Variants in LMX1A observed in about 807,000 individuals in gnomAD.
The protein encoded by LMX1A is LIM homeobox transcription factor 1 alpha, also known as LIM homeobox transcription factor 1-alpha.
LMX1A carries 15 observed loss-of-function variants against 49.1 expected under a neutral mutation model. The observed-to-expected ratio is 0.31, with a 90% CI of 0.20 to 0.47. The LOEUF is 0.47. Among genes scored for constraint, LMX1A ranks in the 20% least tolerant of loss-of-function variants. LMX1A has a pLI of 1.00. For missense variants in LMX1A, 372 were observed against 475.8 expected (o/e 0.78, Z 2.03); for synonymous variants, 167 against 185.7 (o/e 0.90, Z 0.82).
At chr1:165,235,176 T>A (rs1040523228) in intron 4 of LMX1A, among the ~76,000 whole-genome samples, 4 of 152,272 alleles carry the variant, frequency 2.6e-5, no homozygotes, top group Admixed American at 1.3e-4. Context: ...ATGCAGTCGA[T>A]GGTATCTGTA....
intron 2 of LMX1A, among the ~76,000 whole-genome samples, chr1:165,353,990 C>A (rs1257117509): frequency 3.3e-5 from 5 of 152,178 alleles, no homozygotes; most frequent in Admixed American, 2.0e-4. Context: ...TGCTTGAGGG[C>A]GAAACGGGCC....
intron 3 of LMX1A, among the ~76,000 whole-genome samples, chr1:165,258,216 G>A (rs911751085): frequency 3.3e-5 from 5 of 152,230 alleles, no homozygotes; most frequent in Admixed American, 6.5e-5. Flanking sequence ...ACTGTCTGCC[G>A]GAAAATCTGC....
At chr1:165,309,649 CT>C (rs2101732437) in intron 3 of LMX1A, among the ~76,000 whole-genome samples, 1 of 152,296 alleles carries the variant, frequency 6.6e-6, no homozygotes, top group Admixed American at 6.5e-5. Context: ...TCTCGGCAGC[CT>C]CTCCAAAAAG....
intron 3 of LMX1A, among the ~76,000 whole-genome samples, chr1:165,259,150 C>A (rs1653347909): frequency 1.3e-5 from 2 of 152,242 alleles, no homozygotes; most frequent in South Asian, 4.1e-4. Context: ...TCTCAAGGTT[C>A]TGTCCCTCAT....
At chr1:165,304,958 C>A (rs933597039) in intron 3 of LMX1A, among the ~76,000 whole-genome samples, 1 of 152,220 alleles carries the variant, frequency 6.6e-6, no homozygotes. Flanking sequence ...GCATCTACCT[C>A]ATGCTCCAGT....
rs77864531 is a variant in LMX1A, at chr1:165,300,090, C to T, written c.264-50450G>A. Among the ~76,000 whole-genome samples the T allele has an allele frequency of 1.6e-3, 228 of 138,292 alleles. 1 individual carries two copies. The highest frequency in any genetic ancestry group is 5.4e-3 in the African/African-American group (198 of 36,774). The allele number at this position is 138,292 out of a possible 152,430, so 90.7% of individuals were successfully genotyped here. On this transcript the variant is annotated intron_variant, in intron 3 of 8. Coordinates refer to ENST00000342310, the MANE Select transcript of LMX1A (RefSeq NM_177398.4). The stretch of plus-strand genomic sequence containing the variant: ...GAGTCAGTCTCATGGTGCTTCTGAT[C>T]TCACTGGACACCTTGCTGAGCATGC...
chr1:165,287,239 G>T (rs1051693098), intron 3 of LMX1A, among the ~76,000 whole-genome samples: 1 of 152,130 alleles, frequency 6.6e-6, no homozygotes, highest in South Asian at 2.1e-4. Flanking sequence ...TCTGAAGATG[G>T]TTCGGGGGCA....
chr1:165,247,556 A>T (rs1293209396), intron 4 of LMX1A, among the ~76,000 whole-genome samples: 1 of 152,200 alleles, frequency 6.6e-6, no homozygotes, highest in Non-Finnish European at 1.5e-5. Flanking sequence ...CCTAAGGCCA[A>T]TAAGACCAGT....
At chr1:165,329,270 C>T (rs78368476) in intron 3 of LMX1A, among the ~76,000 whole-genome samples, 2,272 of 152,234 alleles carry the variant, frequency 0.015, 29 homozygotes, top group Non-Finnish European at 0.024. Context: ...TCCCATGATC[C>T]GGTCACCTCC....
At chr1:165,318,091 C>T (rs887816216) in intron 3 of LMX1A, among the ~76,000 whole-genome samples, 1 of 152,208 alleles carries the variant, frequency 6.6e-6, no homozygotes, top group Admixed American at 6.5e-5. Flanking sequence ...TTTCTCTTAG[C>T]ACTTTCTTTT....
chr1:165,323,811 A>G (rs185644234), intron 3 of LMX1A, among the ~76,000 whole-genome samples: 1 of 151,986 alleles, frequency 6.6e-6, no homozygotes, highest in East Asian at 1.9e-4. Context: ...ATACTTTCAC[A>G]TCTGTGCTTT....
intron 3 of LMX1A, among the ~76,000 whole-genome samples, chr1:165,259,233 T>G (rs16841801): frequency 0.049 from 7,421 of 152,184 alleles, 279 homozygotes; most frequent in East Asian, 0.12. Context: ...CAAACAACTG[T>G]GAAAGGCCAA....
Position 165,237,155 on chromosome 1 carries a change from G to A in LMX1A, c.496+12253C>T, listed in dbSNP as rs977042580. 2.6e-5 allele frequency among the ~76,000 whole-genome samples: 4 copies of A among 152,302 alleles called. No homozygotes were observed. The South Asian group carries it at 8.3e-4, about 32-fold the overall frequency. ...GCAAATTCCTATGGATGGAACAGAT[G>A]CTGAGTTAGTTCAGTCACTGCTTTC... On this transcript the variant is annotated intron_variant, in intron 4 of 8. Coordinates refer to ENST00000342310, the MANE Select transcript of LMX1A (RefSeq NM_177398.4).
At position 165,258,186 on chromosome 1, in the gene LMX1A, G is replaced by C. The variant is rs527658933; in HGVS notation, c.264-8546C>G. On this transcript the variant is annotated intron_variant, in intron 3 of 8. Transcript: ENST00000342310. ...AACTGAGGTCATCCAGGCAGAGACA[G>C]GGATTGGCCATAAGCCAAAACTGTC... is the stretch of plus-strand genomic sequence containing the variant. Among the ~76,000 whole-genome samples, 6 of 152,372 alleles carry C rather than the reference G, an allele frequency of 3.9e-5. No individual in the cohort carries two copies. The East Asian group carries it at 1.2e-3, about 29-fold the overall frequency.
chr1:165,304,983 T>A (rs942028875), intron 3 of LMX1A, among the ~76,000 whole-genome samples: 30 of 152,144 alleles, frequency 2.0e-4, no homozygotes, highest in African/African-American at 6.5e-4. Context: ...ACCTGCACAT[T>A]GTTTCATCAC....
At chr1:165,289,352 G>A (rs1373213520) in intron 3 of LMX1A, among the ~76,000 whole-genome samples, 1 of 152,056 alleles carries the variant, frequency 6.6e-6, no homozygotes, top group Non-Finnish European at 1.5e-5. Flanking sequence ...TTGCTGATAT[G>A]AGCATTCTAG....
In LMX1A at chr1:165,344,825, A is replaced by G. The variant is rs191278417; in HGVS notation, c.263+8251T>C. On this transcript the variant is annotated intron_variant, in intron 3 of 8. Coordinates refer to ENST00000342310, the MANE Select transcript of LMX1A (RefSeq NM_177398.4). ...TGAAACTGCAAAACTGCAAAAACTA[A>G]CACCTTCTCCTCTCAACTGCCCATT... Among the ~76,000 whole-genome samples the G allele has an allele frequency of 9.7e-4, 148 of 152,296 alleles. 1 individual carries two copies. The highest frequency in any genetic ancestry group is 2.8e-4 in the Non-Finnish European group (19 of 68,022).
intron 4 of LMX1A, among the ~76,000 whole-genome samples, chr1:165,220,834 T>C (rs1372806568): frequency 6.6e-6 from 1 of 152,220 alleles, no homozygotes; most frequent in African/African-American, 2.4e-5. Flanking sequence ...GACCGTAAAA[T>C]AGGAGACCTG....
At chr1:165,240,318 GT>G (rs5778435) in intron 4 of LMX1A, among the ~76,000 whole-genome samples, 130,799 of 149,708 alleles carry the variant, frequency 0.87, 57,140 homozygotes, top group East Asian at 1. Flanking sequence ...CCTACTCAAG[GT>G]TTTTTTTTTT....
Sources: allele counts gnomAD v4.1 joint callset (sites outside exome capture counted in the v4.1 genomes callset), GRCh38; gene constraint gnomAD v4.1.1; transcripts MANE v1.5; gene names NCBI Gene and HGNC (gene_info 2026-07-23, HGNC 2026-07-21).